SPIDR: variants seen among roughly 807,000 people sequenced by gnomAD.
SPIDR encodes the protein DNA repair-scaffolding protein.
Under a neutral mutation model 104.6 loss-of-function variants are expected in SPIDR, and 93 were observed. The ratio of observed to expected loss-of-function variants is 0.89; its 90% CI spans 0.75 to 1.06. SPIDR has a LOEUF of 1.06. Ranked by LOEUF, SPIDR falls within the 50% of genes least tolerant of loss-of-function variation. The pLI is 0.00. For synonymous variants in SPIDR, 431 were observed against 416.9 expected (o/e 1.03, Z -0.41); for missense variants, 1,154 against 1,111.2 (o/e 1.04, Z -0.55).
At chr8:47,576,809 A>G (rs535668077) in intron 8 of SPIDR, among the ~76,000 whole-genome samples, 9 of 152,326 alleles carry the variant, frequency 5.9e-5, no homozygotes, top group Admixed American at 2.6e-4. Flanking sequence ...ATGCTCTAAT[A>G]TAAATATCGT....
At chr8:47,523,351 A>G (rs2084468974) in intron 8 of SPIDR, among the ~76,000 whole-genome samples, 1 of 152,194 alleles carries the variant, frequency 6.6e-6, no homozygotes, top group Non-Finnish European at 1.5e-5. Flanking sequence ...TTGTGGCCAC[A>G]AACGTCAATT....
At position 47,693,257 on chromosome 8, in the gene SPIDR, C is replaced by T. The variant is rs185833888; in HGVS notation, c.1686-7146C>T. On this transcript the variant is annotated intron_variant, in intron 11 of 19. Coordinates refer to ENST00000297423, the MANE Select transcript of SPIDR (RefSeq NM_001080394.4). ...CTTCTGGAAGGCATTATTTTTACTC[C>T]TTAATTATATACCTAAACTGTGTCA... Among the ~76,000 whole-genome samples the T allele has an allele frequency of 6.4e-4, 98 of 152,290 alleles. 1 individual carries two copies. The highest frequency in any genetic ancestry group is 9.6e-4 in the Non-Finnish European group (65 of 68,026).
chr8:47,715,337 C>T (rs555682552), intron 16 of SPIDR, among the ~76,000 whole-genome samples: 11 of 151,960 alleles, frequency 7.2e-5, no homozygotes, highest in East Asian at 5.8e-4. Context: ...CCACCATGCC[C>T]GGCTAATTTT....
At chr8:47,376,979 G>T (rs1554642838) in intron 5 of SPIDR, among the ~76,000 whole-genome samples, 1 of 152,062 alleles carries the variant, frequency 6.6e-6, no homozygotes, top group African/African-American at 2.4e-5. Context: ...GGCTGCCGTC[G>T]CATTACAGTG....
At chr8:47,535,779 C>T (rs906384151) in intron 8 of SPIDR, among the ~76,000 whole-genome samples, 4 of 151,868 alleles carry the variant, frequency 2.6e-5, no homozygotes, top group African/African-American at 9.7e-5. Flanking sequence ...TGACATCATA[C>T]TTAATGGTGA....
In SPIDR at chr8:47,423,078, G is replaced by A. The variant is rs60891946; in HGVS notation, c.877+15117G>A. 6.3e-3 allele frequency among the ~76,000 whole-genome samples: 959 copies of A among 152,106 alleles called. 12 individuals carry two copies. The highest frequency in any genetic ancestry group is 0.022 in the African/African-American group (922 of 41,468). ...CCCAGCAATTTGGGAAGCCGAAGTG[G>A]GTGGATCACAAGGTCAGGAGTTCGA... On this transcript the variant is annotated intron_variant, in intron 7 of 19. Transcript: ENST00000297423.
At chr8:47,692,120 T>C (rs2078736456) in intron 11 of SPIDR, among the ~76,000 whole-genome samples, 1 of 152,226 alleles carries the variant, frequency 6.6e-6, no homozygotes, top group East Asian at 1.9e-4. Flanking sequence ...GTCTCCTGAT[T>C]AGTGGCCCCT....
intron 8 of SPIDR, among the ~76,000 whole-genome samples, chr8:47,489,733 C>G (rs886072181): frequency 1.5e-4 from 23 of 152,232 alleles, no homozygotes; most frequent in African/African-American, 4.6e-4. Context: ...GCAAACCTGA[C>G]AAAAACAAGC....
intron 6 of SPIDR, among the ~76,000 whole-genome samples, chr8:47,398,854 C>T (rs1300101105): frequency 7.9e-5 from 12 of 152,076 alleles, no homozygotes; most frequent in African/African-American, 2.4e-4. Flanking sequence ...GGAGCCAAAG[C>T]AAAGGGAGCA....
chr8:47,303,147 G>T lies in SPIDR; in HGVS notation c.525+9117G>T, dbSNP rs1317487244. Among the ~76,000 whole-genome samples the T allele has an allele frequency of 2.6e-5, 4 of 152,172 alleles. No homozygotes were observed. The South Asian group carries it at 6.2e-4, about 24-fold the overall frequency. On this transcript the variant is annotated intron_variant, in intron 5 of 19. Transcript: ENST00000297423. The stretch of plus-strand genomic sequence containing the variant: ...ACCTACTCAAGCCTTGGCAATGGTG[G>T]CTGCCCCTCCCGCAGCCTGGCTGCT...
At chr8:47,709,305 A>G (rs183039169) in intron 14 of SPIDR, among the ~76,000 whole-genome samples, 124 of 152,246 alleles carry the variant, frequency 8.1e-4, no homozygotes, top group African/African-American at 2.6e-3. Context: ...CACACCAGCT[A>G]ATTTTTGTAT....
chr8:47,508,353 TA>T (rs951587920), intron 8 of SPIDR, among the ~76,000 whole-genome samples: 1 of 152,164 alleles, frequency 6.6e-6, no homozygotes. Context: ...GCACACCAGA[TA>T]AGGGAATGCA....
rs1191456391 is a variant in SPIDR at position 47,283,865 on chromosome 8, A to C, written c.190-163A>C. Among the ~76,000 whole-genome samples, 10 of 152,348 alleles carry C rather than the reference A, an allele frequency of 6.6e-5. No homozygotes were observed. In the South Asian group the frequency reaches 1.0e-3, roughly 16 times the overall value. On this transcript the variant is annotated intron_variant, in intron 2 of 19. Transcript: ENST00000297423. ...GGAAAAATAGAATGAATTTATAAATATATAAGGAGTACATGCTTTGGGATT... is the reference window on the plus strand; with the variant it reads ...GGAAAAATAGAATGAATTTATAAATCTATAAGGAGTACATGCTTTGGGATT...
chr8:47,492,578 G>C (rs1306858160), intron 8 of SPIDR, among the ~76,000 whole-genome samples: 1 of 152,110 alleles, frequency 6.6e-6, no homozygotes, highest in Non-Finnish European at 1.5e-5. Flanking sequence ...TTTCACTGCT[G>C]CCCTTTTACC....
intron 7 of SPIDR, among the ~76,000 whole-genome samples, chr8:47,426,056 A>C (rs2066356134): frequency 6.6e-6 from 1 of 151,734 alleles, no homozygotes; most frequent in African/African-American, 2.4e-5. Flanking sequence ...CAGCCTGGCC[A>C]ACATGGTGAA....
intron 6 of SPIDR, among the ~76,000 whole-genome samples, chr8:47,399,822 C>T (rs2061647977): frequency 6.6e-6 from 1 of 152,186 alleles, no homozygotes; most frequent in Non-Finnish European, 1.5e-5. Context: ...TGGGGTAGAA[C>T]TCACTGATTG....
At chr8:47,694,153 A>C (rs992506545) in intron 11 of SPIDR, among the ~76,000 whole-genome samples, 2 of 152,266 alleles carry the variant, frequency 1.3e-5, no homozygotes, top group Admixed American at 6.5e-5. Flanking sequence ...GCATTGACCT[A>C]ATTTTACAAT....
intron 7 of SPIDR, among the ~76,000 whole-genome samples, chr8:47,409,037 T>G (rs2063146677): frequency 6.6e-6 from 1 of 151,840 alleles, no homozygotes; most frequent in Admixed American, 6.6e-5. Context: ...AATATAAAAA[T>G]TAGCTGGGCG....
intron 8 of SPIDR, among the ~76,000 whole-genome samples, chr8:47,474,824 C>T (rs565585530): frequency 1.3e-5 from 2 of 152,330 alleles, no homozygotes; most frequent in African/African-American, 4.8e-5. Context: ...TTGTTATTTT[C>T]ATGTTGCAGA....
Sources: gnomAD v4.1 joint callset for allele counts (sites outside exome capture counted in the v4.1 genomes callset) on GRCh38, gnomAD v4.1.1 for gene constraint, MANE v1.5 for transcripts, NCBI Gene and HGNC (gene_info 2026-07-23, HGNC 2026-07-21) for gene names.